The following BSN variants were observed in gnomAD, a reference collection of about 807,000 sequenced individuals.
The protein encoded by BSN is bassoon presynaptic cytomatrix protein.
In BSN, 57 loss-of-function variants were observed where a neutral mutation model predicts 264.8. The observed-to-expected ratio is 0.22, with a 90% CI of 0.17 to 0.27. The LOEUF is 0.27. Ranked by LOEUF, BSN falls within the 10% of genes least tolerant of loss-of-function variation. The pLI, the probability that BSN is intolerant of heterozygous loss-of-function variation, is 1.00. For missense variants in BSN, 4,615 were observed against 5,232.5 expected (o/e 0.88, Z 3.64); for synonymous variants, 2,059 against 2,137.3 (o/e 0.96, Z 1.01).
At chr3:49,560,862 T>C (rs1348816799) in intron 1 of BSN, among the ~76,000 whole-genome samples, 2 of 151,948 alleles carry the variant, frequency 1.3e-5, no homozygotes, top group African/African-American at 4.8e-5. Context: ...CTAGTGGGGG[T>C]CTGTTGCCCC....
At chr3:49,602,388 G>A (rs563553004) in intron 1 of BSN, among the ~76,000 whole-genome samples, 1 of 152,182 alleles carries the variant, frequency 6.6e-6, no homozygotes, top group African/African-American at 2.4e-5. Context: ...GAGAGACCTA[G>A]GTACCAATCC....
In BSN at chr3:49,577,542, CTT is replaced by C. The variant is rs60498586; in HGVS notation, c.224+22728_224+22729del. On this transcript the variant is annotated intron_variant, in intron 1 of 11. Coordinates refer to ENST00000296452, the MANE Select transcript of BSN (RefSeq NM_003458.4). ...GTTTCTTTTTTCTTTTCTTTTCTTTCTTTTTTTTTTTTTGTGAGACAGAGTCT... is the reference window on the plus strand; with the variant it reads ...GTTTCTTTTTTCTTTTCTTTTCTTTCTTTTTTTTTTTGTGAGACAGAGTCT... 7.8e-4 allele frequency among the ~76,000 whole-genome samples: 113 copies of C among 145,444 alleles called. 4 individuals carry two copies. The highest frequency in any genetic ancestry group is 2.6e-3 in the South Asian group (12 of 4,648).
intron 1 of BSN, among the ~76,000 whole-genome samples, chr3:49,590,133 G>A (rs1465564651): frequency 1.3e-5 from 2 of 152,192 alleles, no homozygotes; most frequent in African/African-American, 2.4e-5. Context: ...ACCACGCCCC[G>A]CCAAATCTTC....
intron 1 of BSN, among the ~76,000 whole-genome samples, chr3:49,560,257 A>ATGTGTG (rs1040451477): frequency 6.6e-6 from 1 of 151,988 alleles, no homozygotes; most frequent in African/African-American, 2.4e-5. Flanking sequence ...CAGACCTACT[A>ATGTGTG]TGTGTGGGCT....
chr3:49,654,569 T>C lies in BSN; in HGVS notation c.5013T>C (p.Ala1671=). ...CTGCAGTGGTAGACCTCCGTACAGC[T>C]GTCAAGCCCACTCCCATCATCCTCA... ...PGTAVVDLRT[A]VKPTPIILTD... is the part of the protein sequence containing the mutation. Residue 1671 remains alanine, a synonymous_variant, in exon 5 of 12, where the codon GCT becomes GCC. Transcript: ENST00000296452. This position sits in a 1 kb window ranked among gnomAD's most constrained non-coding sequence, Gnocchi z 4.1. 1 of 1,611,490 alleles carries C rather than the reference T, an allele frequency of 6.2e-7. No individual in the cohort carries two copies. The highest frequency in any genetic ancestry group is 8.5e-7 in the Non-Finnish European group (1 of 1,178,456).
Position 49,654,128 on chromosome 3 carries a change from C to T in BSN, c.4572C>T (p.Pro1524=), listed in dbSNP as rs199524662. Residue 1524 remains proline (P), a synonymous_variant, in exon 5 of 12, where the codon CCC becomes CCT. Coordinates refer to ENST00000296452, the MANE Select transcript of BSN (RefSeq NM_003458.4). The surrounding 1 kb of genome is among the most constrained non-coding windows in gnomAD (Gnocchi z 4.1). ...ASDMPRSPGA[P]TPSPMVAQGT... ...ACATGCCACGGAGCCCTGGTGCCCCCACTCCATCACCTATGGTAGCCCAGG... is the reference window on the plus strand; with the variant it reads ...ACATGCCACGGAGCCCTGGTGCCCCTACTCCATCACCTATGGTAGCCCAGG... 6.2e-7 allele frequency: 1 copy of T among 1,613,940 alleles called. No homozygotes were observed. The highest frequency in any genetic ancestry group is 1.3e-5 in the African/African-American group (1 of 74,932).
rs574407436 is a variant in BSN at position 49,662,731 on chromosome 3, G to A, written c.10718-145G>A. 1.7e-5 allele frequency: 22 copies of A among 1,282,948 alleles called. No homozygotes were observed. The Admixed American group carries it at 2.5e-4, about 15-fold the overall frequency. 79.5% of individuals were successfully genotyped at this position (1,282,948 alleles called of 1,614,324 possible). Reference sequence around the variant, plus strand: ...GCCTGCTCCATCTGTGCCCTGGTCCGTGGTTGCGGGAGGGTGGGCTGGGGG... The same window carrying A: ...GCCTGCTCCATCTGTGCCCTGGTCCATGGTTGCGGGAGGGTGGGCTGGGGG... On this transcript the variant is annotated intron_variant, in intron 6 of 11. Coordinates refer to ENST00000296452, the MANE Select transcript of BSN (RefSeq NM_003458.4).
chr3:49,566,212 A>G (rs550403862), intron 1 of BSN, among the ~76,000 whole-genome samples: 2 of 152,264 alleles, frequency 1.3e-5, no homozygotes, highest in Non-Finnish European at 2.9e-5. Context: ...AGTTTCTAAC[A>G]GTCTCCTTGC....
chr3:49,664,455 C>T lies in BSN; in HGVS notation c.11641C>T (p.Pro3881Ser). 1 of 1,613,658 alleles carries T rather than the reference C, an allele frequency of 6.2e-7. No individual in the cohort carries two copies. The highest frequency in any genetic ancestry group is 8.5e-7 in the Non-Finnish European group (1 of 1,179,954). ...GGCTGGAGCCAGGCCTGGAGGAACC[C>T]CAGGGGCTCCCGCCGGCCAGCCAGG... The part of the protein sequence containing the change: ...VKAGARPGGT[P>S]GAPAGQPGAD... The change falls in exon 9 of 12, where the codon CCA (proline) becomes TCA (serine). Residue 3881 changes from proline (P) to serine (S), a missense_variant. Coordinates refer to ENST00000296452, the MANE Select transcript of BSN (RefSeq NM_003458.4).
intron 1 of BSN, among the ~76,000 whole-genome samples, chr3:49,571,833 G>A (rs1253232961): frequency 1.3e-5 from 2 of 152,142 alleles, no homozygotes; most frequent in African/African-American, 4.8e-5. Flanking sequence ...CATGCAGTGG[G>A]GGTGGGTTTA....
At chr3:49,666,899 G>C (rs922302879) in intron 11 of BSN, among the ~76,000 whole-genome samples, 1 of 152,164 alleles carries the variant, frequency 6.6e-6, no homozygotes, top group African/African-American at 2.4e-5. Flanking sequence ...CTCCCACAGC[G>C]GGCTTCCTGC....
At chr3:49,615,896 T>G (rs1223920686) in intron 1 of BSN, among the ~76,000 whole-genome samples, 3 of 152,108 alleles carry the variant, frequency 2.0e-5, no homozygotes, top group Non-Finnish European at 4.4e-5. Flanking sequence ...AGTGTAAGAA[T>G]TTTCTTAGCA....
rs750014015 is a variant in BSN, at chr3:49,625,151, G to T, written c.401G>T (p.Arg134Met). ...GPRRTLQVDS[R>M]TQRSGRSPSV... ...CGCAGGACGCTGCAGGTAGACAGCA[G>T]GACACAGAGATCAGGGCGGTCCCCC... Residue 134 changes from arginine (R) to methionine (M), a missense_variant, in exon 2 of 12, where the codon AGG (arginine) becomes ATG (methionine). Arg to Met is a moderately conservative substitution (Grantham distance 91). Coordinates refer to ENST00000296452, the MANE Select transcript of BSN (RefSeq NM_003458.4). The surrounding 1 kb of genome is among the most constrained non-coding windows in gnomAD (Gnocchi z 4.4). 5.7e-6 allele frequency: 9 copies of T among 1,584,726 alleles called. No individual in the cohort carries two copies. The South Asian group carries it at 7.9e-5, about 14-fold the overall frequency.
Position 49,656,060 on chromosome 3 carries a change from G to C in BSN, c.6504G>C (p.Gly2168=). ...HPSPGNLAQY[G]PAAGQGTAVR... ...GTCCTGGGAACTTGGCCCAGTATGG[G>C]CCTGCAGCAGGCCAAGGAACAGCAG... The change falls in exon 5 of 12, where the codon GGG becomes GGC. Residue 2168 remains glycine (G), a synonymous_variant. Transcript: ENST00000296452. The C allele has an allele frequency of 6.2e-7, 1 of 1,608,672 alleles. No homozygotes were observed. Among genetic ancestry groups the C allele is most frequent in the Middle Eastern group, 1.7e-4 (1 of 6,050 alleles).
rs757733534 is a variant in BSN at position 49,652,609 on chromosome 3, A to C, written c.3053A>C (p.Glu1018Ala). ...SSPSRRQRLE[E>A]AKQQRKARHR... The stretch of plus-strand genomic sequence containing the variant: ...CCCAGCCGCAGGCAGCGTCTAGAAG[A>C]AGCAAAGCAGCAGCGCAAGGCCCGG... The change falls in exon 5 of 12, where the codon GAA becomes GCA. Residue 1018 changes from glutamate (E) to alanine (A), a missense_variant. Glu to Ala is a moderately radical substitution (Grantham distance 107). Around this residue, in one of 3 missense-constraint regions of BSN, gnomAD observed 1,197 missense variants for 1,348.0 expected, o/e 0.89. Transcript: ENST00000296452. The C allele has an allele frequency of 6.2e-7, 1 of 1,613,412 alleles. No individual in the cohort carries two copies. Among genetic ancestry groups the C allele is most frequent in the East Asian group, 2.2e-5 (1 of 44,862 alleles).
chr3:49,663,691 T>C (rs2052686502), intron 7 of BSN, 25 bp downstream of exon 7: 1 of 1,603,520 alleles, frequency 6.2e-7, no homozygotes, highest in Non-Finnish European at 8.5e-7. Flanking sequence ...CATGCATGGG[T>C]TGTAACCAGG....
rs151256107 is a variant in BSN at position 49,597,786 on chromosome 3, G to T, written c.225-27189G>T. ...GCCTCCCCAGTAGCTGGGATTACAG[G>T]CATCTGCCACCACACCCAGCTAATT... On this transcript the variant is annotated intron_variant, in intron 1 of 11. Coordinates refer to ENST00000296452, the MANE Select transcript of BSN (RefSeq NM_003458.4). 2.9e-3 allele frequency among the ~76,000 whole-genome samples: 440 copies of T among 151,836 alleles called. 2 individuals carry two copies. The highest frequency in any genetic ancestry group is 5.4e-3 in the Non-Finnish European group (365 of 67,704).
rs528946887 is a variant in BSN, at chr3:49,664,491, G to A, written c.11677G>A (p.Glu3893Lys). 1 of 1,613,278 alleles carries A rather than the reference G, an allele frequency of 6.2e-7. No homozygotes were observed. Among genetic ancestry groups the A allele is most frequent in the South Asian group, 1.1e-5 (1 of 91,030 alleles). The stretch of plus-strand genomic sequence containing the variant: ...CGCCGGCCAGCCAGGTGCCGATGGG[G>A]AGAGCGTGTTCTCCAAGATCCTCCC... ...APAGQPGADG[E>K]SVFSKILPGG... Residue 3893 changes from glutamate to lysine, a missense_variant, in exon 9 of 12, where the codon GAG becomes AAG. By Grantham distance (56) the Glu-to-Lys change is moderately conservative. Coordinates refer to ENST00000296452, the MANE Select transcript of BSN (RefSeq NM_003458.4).
chr3:49,605,120 CATG>C (rs1203206208), intron 1 of BSN, among the ~76,000 whole-genome samples: 3 of 148,594 alleles, frequency 2.0e-5, no homozygotes, highest in Non-Finnish European at 3.0e-5. Flanking sequence ...ATTAGCCAGA[CATG>C]GTGGTGGGTG....
Sources: gnomAD v4.1 joint callset for allele counts (sites outside exome capture counted in the v4.1 genomes callset) on GRCh38, gnomAD v4.1.1 for gene constraint, gnomAD v4.1.1 regional missense constraint, Gnocchi (gnomAD v3.1) non-coding constraint, MANE v1.5 for transcripts, NCBI Gene and HGNC (gene_info 2026-07-23, HGNC 2026-07-21) for gene names.